The following IRAK2 variants were observed in gnomAD, a reference collection of about 807,000 sequenced individuals.
IRAK2 encodes interleukin 1 receptor associated kinase 2.
A neutral mutation model predicts 72.0 loss-of-function variants in IRAK2; 57 were observed. The ratio of observed to expected loss-of-function variants is 0.79; its 90% CI spans 0.64 to 0.99. The LOEUF is 0.99. Among genes scored for constraint, IRAK2 ranks in the 50% least tolerant of loss-of-function variants. The pLI, the probability that IRAK2 is intolerant of heterozygous loss-of-function variation, is 0.00. For missense variants in IRAK2, 790 were observed against 794.4 expected, an observed-to-expected ratio of 0.99 and a Z score of 0.07; for synonymous variants, 293 against 312.7, an observed-to-expected ratio of 0.94 and a Z score of 0.67.
chr3:10,179,123 T>C (rs1203136897), intron 2 of IRAK2, among the ~76,000 whole-genome samples: 1 of 152,158 alleles, frequency 6.6e-6, no homozygotes, highest in Non-Finnish European at 1.5e-5. Context: ...ACATCATGTA[T>C]TGTGAATTTT....
chr3:10,227,921 G>A (rs1007523317), intron 10 of IRAK2, among the ~76,000 whole-genome samples: 7 of 151,970 alleles, frequency 4.6e-5, no homozygotes, highest in East Asian at 1.9e-4. Flanking sequence ...CGCCCGCCTC[G>A]GCCTCCCAAA....
chr3:10,237,805 CAAA>C (rs751642671), intron 11 of IRAK2, among the ~76,000 whole-genome samples: 3 of 55,800 alleles, frequency 5.4e-5, no homozygotes, highest in East Asian at 5.2e-4. Context: ...GACTCTGTCT[CAAA>C]AAAAAAAAAA....
In IRAK2 at chr3:10,200,005, A is replaced by G. The variant is rs556701682; in HGVS notation, c.278-364A>G. On this transcript the variant is annotated intron_variant, in intron 2 of 12. Transcript: ENST00000256458. ...CCGGTTCAAGTGATTCTCCTGCCTC[A>G]GCCTCCCAAGTAGCTGAGACTACAG... 2.0e-5 allele frequency among the ~76,000 whole-genome samples: 3 copies of G among 149,716 alleles called. No individual in the cohort carries two copies. In the Admixed American group the frequency reaches 2.0e-4, roughly 10 times the overall value.
At chr3:10,171,769 C>CTTT (rs145535598) in intron 1 of IRAK2, among the ~76,000 whole-genome samples, 2 of 138,070 alleles carry the variant, frequency 1.4e-5, no homozygotes, top group African/African-American at 2.7e-5. Context: ...TGCACCCAGC[C>CTTT]TTTTTTTTTT....
At chr3:10,195,393 C>A (rs2125149830) in intron 2 of IRAK2, among the ~76,000 whole-genome samples, 1 of 152,232 alleles carries the variant, frequency 6.6e-6, no homozygotes, top group East Asian at 1.9e-4. Context: ...GCTGTCTCTA[C>A]ACAAAATTAA....
Position 10,213,470 on chromosome 3 carries a change from G to A in IRAK2, c.724-14G>A. The A allele has an allele frequency of 6.2e-7, 1 of 1,613,946 alleles. No individual in the cohort carries two copies. ...TGGGGCGGGATCTTCATGTTCTGAT[G>A]TCTTTCTCTACAGACAGCCTGTTCA... On this transcript the variant is annotated splice_polypyrimidine_tract_variant and intron_variant, in intron 5 of 12. Coordinates refer to ENST00000256458, the MANE Select transcript of IRAK2 (RefSeq NM_001570.4).
intron 3 of IRAK2, among the ~76,000 whole-genome samples, chr3:10,208,513 C>T (rs1200030381): frequency 1.3e-5 from 2 of 151,818 alleles, no homozygotes; most frequent in Non-Finnish European, 2.9e-5. Flanking sequence ...CCTGTAATCC[C>T]AGCACTTTGG....
In IRAK2 at chr3:10,224,547, G is replaced by T. The variant is rs929828702; in HGVS notation, c.1209+1716G>T. On this transcript the variant is annotated intron_variant, in intron 9 of 12. Transcript: ENST00000256458. ...GCACCCTGCACCCTGCACCTACCAA[G>T]AATATTATGATGACTGTGGTTATTG... 4.2e-5 allele frequency among the ~76,000 whole-genome samples: 5 copies of T among 118,338 alleles called. No homozygotes were observed. The South Asian group carries it at 1.6e-3, about 37-fold the overall frequency. The allele number at this position is 118,338 out of a possible 152,430, so 77.6% of individuals were successfully genotyped here. A position where few individuals can be genotyped will look rare whatever the true frequency, so the allele number is the denominator to read the frequency against.
At chr3:10,172,802 C>A (rs1321227132) in intron 1 of IRAK2, among the ~76,000 whole-genome samples, 2 of 140,218 alleles carry the variant, frequency 1.4e-5, no homozygotes, top group Non-Finnish European at 1.5e-5. Flanking sequence ...CGCGCCACTG[C>A]ACTCCAGCCT....
At chr3:10,215,777 TAC>T (rs200096096) in intron 6 of IRAK2, among the ~76,000 whole-genome samples, 1 of 119,366 alleles carries the variant, frequency 8.4e-6, no homozygotes. Flanking sequence ...CACACACAGA[TAC>T]ACACACACAC....
intron 2 of IRAK2, among the ~76,000 whole-genome samples, chr3:10,190,704 C>T (rs1251156094): frequency 6.6e-6 from 1 of 152,168 alleles, no homozygotes; most frequent in Non-Finnish European, 1.5e-5. Flanking sequence ...CAACTAGTCT[C>T]CTCCAGTTGC....
intron 3 of IRAK2, among the ~76,000 whole-genome samples, chr3:10,208,673 GA>G (rs1697469113): frequency 6.6e-6 from 1 of 151,680 alleles, no homozygotes; most frequent in Non-Finnish European, 1.5e-5. Flanking sequence ...TGAGGCAGGA[GA>G]ATGGTGTGAA....
chr3:10,201,822 G>A (rs1697364970), intron 3 of IRAK2, among the ~76,000 whole-genome samples: 1 of 152,220 alleles, frequency 6.6e-6, no homozygotes. Context: ...TCAGTTCACT[G>A]TTGCCGTTTC....
intron 2 of IRAK2, among the ~76,000 whole-genome samples, chr3:10,181,137 C>A (rs1323130476): frequency 6.6e-6 from 1 of 152,142 alleles, no homozygotes; most frequent in Non-Finnish European, 1.5e-5. Context: ...TCCCTAAGCA[C>A]ACCTTCCTCC....
chr3:10,234,305 G>T (rs576169880), intron 10 of IRAK2, among the ~76,000 whole-genome samples, 154 bp from the exon 11 acceptor site: 3 of 152,290 alleles, frequency 2.0e-5, no homozygotes, highest in African/African-American at 7.2e-5. Context: ...TTTCTTGGGG[G>T]TTTTACTTCT....
chr3:10,234,798 T>C (rs1215519529), intron 11 of IRAK2, 139 bp downstream of exon 11: 15 of 763,700 alleles, frequency 2.0e-5, no homozygotes, highest in South Asian at 5.1e-5. Context: ...AGAGCTCCCA[T>C]CAGCCAAAGG....
Position 10,209,632 on chromosome 3 carries a change from T to C in IRAK2, c.468T>C (p.Pro156=). ...ARAHQPAFLQ[P]PEEDAPHSLR... is the part of the protein sequence containing the mutation. ...CCCACCAGCCGGCCTTTCTCCAGCC[T>C]CCTGAAGAAGATGCCCCTCATTCCT... The change falls in exon 4 of 13, where the codon CCT becomes CCC. Residue 156 remains proline, a synonymous_variant. Transcript: ENST00000256458. 6.4e-7 allele frequency: 1 copy of C among 1,571,410 alleles called. No homozygotes were observed. Among genetic ancestry groups the C allele is most frequent in the Non-Finnish European group, 8.6e-7 (1 of 1,160,854 alleles).
chr3:10,179,158 G>T (rs973918567), intron 2 of IRAK2, among the ~76,000 whole-genome samples: 4 of 152,040 alleles, frequency 2.6e-5, no homozygotes, highest in Non-Finnish European at 4.4e-5. Context: ...AGACCTTGGG[G>T]ACTTTTCATA....
intron 12 of IRAK2, among the ~76,000 whole-genome samples, chr3:10,240,855 G>A (rs1342660982): frequency 6.6e-6 from 1 of 151,328 alleles, no homozygotes; most frequent in African/African-American, 2.4e-5. Context: ...CACCGCACCC[G>A]ACCAGGAAGG....
Sources: gnomAD v4.1 joint callset for allele counts (sites outside exome capture counted in the v4.1 genomes callset) on GRCh38, gnomAD v4.1.1 for gene constraint, MANE v1.5 for transcripts, NCBI Gene and HGNC (gene_info 2026-07-23, HGNC 2026-07-21) for gene names.